The following GRM7 variants were observed in gnomAD, a reference collection of about 807,000 sequenced individuals.
The protein encoded by GRM7 is glutamate metabotropic receptor 7.
In GRM7, 35 loss-of-function variants were observed where a neutral mutation model predicts 84.5. That is an observed-to-expected ratio of 0.41 (90% CI 0.32 to 0.55). The LOEUF (loss-of-function observed/expected upper bound fraction) is 0.55. GRM7 is among the 20% of genes least tolerant of loss of function. GRM7 has a pLI of 0.19. For missense variants in GRM7, 1,003 were observed against 1,194.6 expected (o/e 0.84, Z 2.36); for synonymous variants, 487 against 455.1 (o/e 1.07, Z -0.89).
intron 5 of GRM7, among the ~76,000 whole-genome samples, chr3:7,425,382 C>T (rs1168109063): frequency 6.6e-6 from 1 of 152,180 alleles, no homozygotes; most frequent in Non-Finnish European, 1.5e-5. Flanking sequence ...TGTTCAGAGG[C>T]AGCATAGTTA....
At chr3:7,238,458 A>G (rs977974105) in intron 2 of GRM7, among the ~76,000 whole-genome samples, 8 of 150,976 alleles carry the variant, frequency 5.3e-5, no homozygotes, top group African/African-American at 1.7e-4. Context: ...CCACTGTTTT[A>G]TTTTCTTCAT....
At chr3:7,036,754 C>T (rs1696401452) in intron 1 of GRM7, among the ~76,000 whole-genome samples, 1 of 151,486 alleles carries the variant, frequency 6.6e-6, no homozygotes, top group African/African-American at 2.4e-5. Flanking sequence ...AGTTTTAAAG[C>T]ACTGGTTTTC....
At chr3:7,585,543 G>A (rs942914770) in intron 8 of GRM7, among the ~76,000 whole-genome samples, 14 of 152,174 alleles carry the variant, frequency 9.2e-5, no homozygotes, top group African/African-American at 3.4e-4. Context: ...TTAAAAGAAA[G>A]GCTTTAATCA....
At chr3:7,337,583 AAAAG>A (rs1701470587) in intron 4 of GRM7, among the ~76,000 whole-genome samples, 1 of 152,108 alleles carries the variant, frequency 6.6e-6, no homozygotes, top group Non-Finnish European at 1.5e-5. Flanking sequence ...AATCCCATTA[AAAAG>A]TGGGCTAAGG....
Position 7,578,271 on chromosome 3 carries a change from A to C in GRM7, c.1516-151A>C. 4.9e-6 allele frequency: 3 copies of C among 613,456 alleles called. No homozygotes were observed. In the East Asian group the frequency reaches 8.3e-5, roughly 17 times the overall value. The allele number at this position is 613,456 out of a possible 1,614,324, so 38.0% of individuals were successfully genotyped here. On this transcript the variant is annotated intron_variant, in intron 7 of 9. Coordinates refer to ENST00000357716, the MANE Select transcript of GRM7 (RefSeq NM_000844.4). ...GCTGGAATCCTATGGTATGGGCTCA[A>C]ATCATACTTGTAACTCTTGCAAGCT...
At chr3:7,228,065 A>G (rs1411615688) in intron 2 of GRM7, among the ~76,000 whole-genome samples, 1 of 152,194 alleles carries the variant, frequency 6.6e-6, no homozygotes, top group Non-Finnish European at 1.5e-5. Context: ...CTCTAATATT[A>G]TCAATGTATG....
intron 1 of GRM7, among the ~76,000 whole-genome samples, chr3:6,943,879 G>A (rs1575045902): frequency 6.6e-6 from 1 of 151,946 alleles, no homozygotes; most frequent in East Asian, 1.9e-4. Flanking sequence ...TTCATTAAGT[G>A]TACGGGTGTT....
intron 4 of GRM7, among the ~76,000 whole-genome samples, chr3:7,381,143 C>T (rs1215997929): frequency 6.6e-6 from 1 of 151,908 alleles, no homozygotes. Flanking sequence ...ACTTCCTTGA[C>T]TTTATGCTAT....
intron 6 of GRM7, among the ~76,000 whole-genome samples, chr3:7,454,069 T>C (rs1697895064): frequency 9.6e-6 from 1 of 104,322 alleles, no homozygotes; most frequent in Admixed American, 9.8e-5. Context: ...CCAAGAACCA[T>C]ACATGAAAAG....
intron 4 of GRM7, among the ~76,000 whole-genome samples, chr3:7,313,168 A>G (rs1385368934): frequency 6.6e-6 from 1 of 151,960 alleles, no homozygotes; most frequent in Non-Finnish European, 1.5e-5. Flanking sequence ...ACCTCAGGCA[A>G]TCCGCCCTCC....
At chr3:7,677,852 C>T (rs962930865) in intron 8 of GRM7, among the ~76,000 whole-genome samples, 1 of 152,170 alleles carries the variant, frequency 6.6e-6, no homozygotes, top group African/African-American at 2.4e-5. Context: ...ATGGAATCAA[C>T]CTAGGTGCAT....
At chr3:7,446,608 C>T (rs1181179811) in intron 5 of GRM7, among the ~76,000 whole-genome samples, 1 of 151,878 alleles carries the variant, frequency 6.6e-6, no homozygotes, top group African/African-American at 2.4e-5. Flanking sequence ...ATTTCAGGCA[C>T]ACGCCACAGC....
chr3:7,415,564 T>G (rs1046196923), intron 5 of GRM7, among the ~76,000 whole-genome samples: 1 of 152,182 alleles, frequency 6.6e-6, no homozygotes, highest in African/African-American at 2.4e-5. Context: ...TGATTGGGTT[T>G]AGAATAATGA....
chr3:7,251,941 C>T (rs1037550079), intron 2 of GRM7, among the ~76,000 whole-genome samples: 5 of 152,172 alleles, frequency 3.3e-5, no homozygotes, highest in Admixed American at 2.6e-4. Context: ...AAGTAAACTC[C>T]AGTAGCCGGA....
intron 2 of GRM7, among the ~76,000 whole-genome samples, chr3:7,221,997 C>G (rs777645574): frequency 6.6e-6 from 1 of 151,722 alleles, no homozygotes; most frequent in South Asian, 2.1e-4. Context: ...TTAGTAGAGA[C>G]GGGGTTTCAC....
At chr3:7,423,980 A>G (rs2124833637) in intron 5 of GRM7, among the ~76,000 whole-genome samples, 1 of 152,264 alleles carries the variant, frequency 6.6e-6, no homozygotes, top group South Asian at 2.1e-4. Context: ...ACAATATTCA[A>G]GCTGCCTGCT....
chr3:7,244,683 A>G (rs1285769496), intron 2 of GRM7, among the ~76,000 whole-genome samples: 1 of 152,102 alleles, frequency 6.6e-6, no homozygotes, highest in Non-Finnish European at 1.5e-5. Context: ...TTATTTCACC[A>G]CTGCTAGAAC....
chr3:7,615,495 G>T (rs1005206880), intron 8 of GRM7, among the ~76,000 whole-genome samples: 3 of 152,030 alleles, frequency 2.0e-5, no homozygotes, highest in African/African-American at 7.2e-5. Flanking sequence ...ACATCACCTT[G>T]AATACCTTAT....
At chr3:6,938,807 C>T (rs1697783943) in intron 1 of GRM7, among the ~76,000 whole-genome samples, 1 of 152,168 alleles carries the variant, frequency 6.6e-6, no homozygotes, top group Non-Finnish European at 1.5e-5. Context: ...TGGAGGTAGA[C>T]AGGTAGAAAA....
Sources: allele counts gnomAD v4.1 joint callset (sites outside exome capture counted in the v4.1 genomes callset), GRCh38; gene constraint gnomAD v4.1.1; transcripts MANE v1.5; gene names NCBI Gene and HGNC (gene_info 2026-07-23, HGNC 2026-07-21).